Variants in MIDEAS observed in about 807,000 individuals in gnomAD.
MIDEAS encodes mitotic deacetylase associated SANT domain protein.
MIDEAS carries 26 observed loss-of-function variants against 102.7 expected under a neutral mutation model. The observed-to-expected ratio is 0.25, with a 90% CI of 0.19 to 0.35. The LOEUF is 0.35. MIDEAS is among the 10% of genes least tolerant of loss of function. MIDEAS has a pLI of 1.00. For missense variants in MIDEAS, 1,231 were observed against 1,435.6 expected, an observed-to-expected ratio of 0.86 and a Z score of 2.30; for synonymous variants, 585 against 591.0, an observed-to-expected ratio of 0.99 and a Z score of 0.15.
At chr14:73,773,143 T>A (rs1000125278) in intron 1 of MIDEAS, among the ~76,000 whole-genome samples, 2 of 149,034 alleles carry the variant, frequency 1.3e-5, no homozygotes, top group African/African-American at 4.9e-5. Flanking sequence ...TGGCTTCTCA[T>A]ACATTTTTAA....
intron 1 of MIDEAS, among the ~76,000 whole-genome samples, chr14:73,751,379 G>A (rs902162858): frequency 6.6e-6 from 1 of 152,218 alleles, no homozygotes; most frequent in South Asian, 2.1e-4. Context: ...GCTCCCTGGA[G>A]AGCAGCTTCA....
At chr14:73,760,548 C>T (rs1264461045), upstream of MIDEAS, among the ~76,000 whole-genome samples, 1 of 152,214 alleles carries the variant, frequency 6.6e-6, no homozygotes, top group Non-Finnish European at 1.5e-5. This position sits in a 1 kb window ranked among gnomAD's most constrained non-coding sequence, Gnocchi z 4.8. Context: ...GAGACGGTGA[C>T]GAAATGTTTG....
intron 1 of MIDEAS, among the ~76,000 whole-genome samples, chr14:73,769,967 G>T (rs1033536100): frequency 4.2e-5 from 6 of 142,752 alleles, no homozygotes; most frequent in African/African-American, 8.1e-5. Context: ...ATTTAGTGTT[G>T]CAAGAGTTTA....
intron 3 of MIDEAS, among the ~76,000 whole-genome samples, chr14:73,733,426 A>G (rs2053163272): frequency 6.6e-6 from 1 of 151,860 alleles, no homozygotes; most frequent in African/African-American, 2.4e-5. Context: ...CATCTCTACT[A>G]AAAGTACAAA....
chr14:73,721,587 G>A, intron 10 of MIDEAS, 78 bp from the exon 11 acceptor site: 1 of 1,351,358 alleles, frequency 7.4e-7, no homozygotes. Context: ...CCCGGCCGGG[G>A]GGTTCACCAG....
intron 3 of MIDEAS, among the ~76,000 whole-genome samples, chr14:73,732,395 G>A (rs915073683): frequency 6.6e-6 from 1 of 152,216 alleles, no homozygotes. Flanking sequence ...TTGAAGCTGC[G>A]TTTTCCCTAG....
intron 5 of MIDEAS, chr14:73,727,176 G>A: frequency 1.5e-6 from 1 of 667,926 alleles, no homozygotes; most frequent in Non-Finnish European, 2.5e-6. Flanking sequence ...GGAGAGGGGA[G>A]AAGCAGCTGC....
At chr14:73,777,198 T>C (rs1384190507) in intron 1 of MIDEAS, among the ~76,000 whole-genome samples, 1 of 150,130 alleles carries the variant, frequency 6.7e-6, no homozygotes, top group Non-Finnish European at 1.5e-5. Flanking sequence ...GTGGGGAGAG[T>C]TCAGTACCCA....
intron 5 of MIDEAS, 43 bp downstream of exon 5, chr14:73,727,415 G>A (rs993841962): frequency 5.0e-6 from 8 of 1,606,720 alleles, no homozygotes; most frequent in Non-Finnish European, 6.0e-6. Flanking sequence ...CTGCACCAGT[G>A]TGGCCACCCA....
At chr14:73,757,956 G>T (rs2053505557) in intron 1 of MIDEAS, among the ~76,000 whole-genome samples, 2 of 152,182 alleles carry the variant, frequency 1.3e-5, no homozygotes, top group South Asian at 2.1e-4. Context: ...TCACGGGAGT[G>T]GGGGTTCTGC....
Position 73,740,051 on chromosome 14 carries a change from G to A in MIDEAS, c.-43C>T. On this transcript the variant is annotated 5_prime_UTR_variant, in exon 2 of 13. Transcript: ENST00000423556. ...CCTGGCGGTGAGATCCCCTTCAACA[G>A]TCGCCCATCCCCTGGGGAAACGTCC... 1 of 1,435,602 alleles carries A rather than the reference G, an allele frequency of 7.0e-7. No individual in the cohort carries two copies. Among genetic ancestry groups the A allele is most frequent in the Non-Finnish European group, 9.2e-7 (1 of 1,092,506 alleles). The allele number at this position is 1,435,602 out of a possible 1,614,324, so 88.9% of individuals were successfully genotyped here. A position where few individuals can be genotyped will look rare whatever the true frequency, so the allele number is the denominator to read the frequency against.
chr14:73,739,001 A>G lies in MIDEAS; in HGVS notation c.1008T>C (p.Pro336=). The change falls in exon 2 of 13, where the codon CCT becomes CCC. Residue 336 remains proline, a synonymous_variant. Coordinates refer to ENST00000423556, the MANE Select transcript of MIDEAS (RefSeq NM_001367710.1). ...LQDSAPQPAL[P]QVQIPFPRRS... ...GGCGGGGGAAGGGGATCTGGACCTGAGGTAGCGCTGGCTGCGGGGCTGAGT... is the reference window on the plus strand; with the variant it reads ...GGCGGGGGAAGGGGATCTGGACCTGGGGTAGCGCTGGCTGCGGGGCTGAGT... The G allele has an allele frequency of 6.5e-7, 1 of 1,538,542 alleles. No individual in the cohort carries two copies. Among genetic ancestry groups the G allele is most frequent in the Middle Eastern group, 1.8e-4 (1 of 5,666 alleles).
chr14:73,719,223 C>CCCCCT, intron 12 of MIDEAS, 82 bp downstream of exon 12: 10 of 1,205,200 alleles, frequency 8.3e-6, no homozygotes, highest in Non-Finnish European at 1.1e-5. Context: ...TGTACCTCTT[C>CCCCCT]CCCCTCCCCT....
At chr14:73,761,613 A>G (rs1282441293), upstream of MIDEAS, among the ~76,000 whole-genome samples, 19 of 152,206 alleles carry the variant, frequency 1.2e-4, no homozygotes, top group Non-Finnish European at 2.4e-4. Context: ...GATCCCTTCC[A>G]GTTCAAGATC....
rs1021036927 is a variant in MIDEAS at position 73,719,472 on chromosome 14, G to C, written c.2967C>G (p.His989Gln). The change falls in exon 12 of 13, where the codon CAC (histidine) becomes CAG (glutamine). Residue 989 changes from histidine to glutamine, a missense_variant. Transcript: ENST00000423556. ...CGGCAGACCCAGGGGCGTTGGACTC[G>C]TGGCTCCGGAGGATGAGGATGTCAC... is the stretch of plus-strand genomic sequence containing the variant. ...SASDILILRS[H>Q]ESNAPGSAGG... is the part of the protein sequence containing the mutation. 1.2e-6 allele frequency: 2 copies of C among 1,613,918 alleles called. No individual in the cohort carries two copies. Among genetic ancestry groups the C allele is most frequent in the Non-Finnish European group, 1.7e-6 (2 of 1,179,988 alleles).
At chr14:73,790,142 A>G (rs1186698336), upstream of MIDEAS, 1 of 152,240 alleles carries the variant, frequency 6.6e-6, no homozygotes, top group Admixed American at 6.5e-5. Context: ...GAGGGAGAAC[A>G]TTCTGTCCAC....
intron 1 of MIDEAS, among the ~76,000 whole-genome samples, chr14:73,758,226 C>T (rs973563136): frequency 2.6e-5 from 4 of 152,218 alleles, no homozygotes; most frequent in Admixed American, 6.5e-5. Flanking sequence ...GGAAGACCTA[C>T]GAATTCTCAA....
rs773005580 is a variant in MIDEAS at position 73,740,050 on chromosome 14, A to G, written c.-42T>C. 2.8e-6 allele frequency: 4 copies of G among 1,437,074 alleles called. No homozygotes were observed. The highest frequency in any genetic ancestry group is 2.6e-5 in the Admixed American group (1 of 39,064). 89.0% of individuals were successfully genotyped at this position (1,437,074 alleles called of 1,614,324 possible). ...CCCTGGCGGTGAGATCCCCTTCAACAGTCGCCCATCCCCTGGGGAAACGTC... is the reference window on the plus strand; with the variant it reads ...CCCTGGCGGTGAGATCCCCTTCAACGGTCGCCCATCCCCTGGGGAAACGTC... On this transcript the variant is annotated 5_prime_UTR_variant, in exon 2 of 13. Coordinates refer to ENST00000423556, the MANE Select transcript of MIDEAS (RefSeq NM_001367710.1).
rs766888115 is a variant in MIDEAS, at chr14:73,716,303, G to T, written c.*2540C>A. Reference sequence around the variant, plus strand: ...GTGTCTGGCGGGATAATGCAGAGAGGTACCATCTTGATTTTCCCCAGTTAC... The same window carrying T: ...GTGTCTGGCGGGATAATGCAGAGAGTTACCATCTTGATTTTCCCCAGTTAC... On this transcript the variant is annotated 3_prime_UTR_variant, in exon 13 of 13. Coordinates refer to ENST00000423556, the MANE Select transcript of MIDEAS (RefSeq NM_001367710.1). 6.6e-5 allele frequency: 10 copies of T among 152,126 alleles called. No homozygotes were observed. Among genetic ancestry groups the T allele is most frequent in the Non-Finnish European group, 1.3e-4 (9 of 68,034 alleles). The allele number at this position is 152,126 out of a possible 1,614,324, so 9.4% of individuals were successfully genotyped here. A position where few individuals can be genotyped will look rare whatever the true frequency, so the allele number is the denominator to read the frequency against.
Sources: gnomAD v4.1 joint callset for allele counts (sites outside exome capture counted in the v4.1 genomes callset) on GRCh38, gnomAD v4.1.1 for gene constraint, Gnocchi (gnomAD v3.1) non-coding constraint, MANE v1.5 for transcripts, NCBI Gene and HGNC (gene_info 2026-07-23, HGNC 2026-07-21) for gene names.